Variants in STX2 observed in about 807,000 individuals in gnomAD.
STX2 encodes syntaxin 2.
Under a neutral mutation model 40.6 loss-of-function variants are expected in STX2, and 27 were observed. The ratio of observed to expected loss-of-function variants is 0.66; its 90% CI spans 0.49 to 0.92. STX2 has a LOEUF of 0.92. STX2 is among the 40% of genes least tolerant of loss of function. The probability of loss-of-function intolerance (pLI) is 0.00; values close to 1 mark genes in which losing one functional copy is unlikely to be tolerated. For synonymous variants in STX2, 123 were observed against 119.1 expected (o/e 1.03, Z -0.22); for missense variants, 328 against 366.1 (o/e 0.90, Z 0.85).
intron 3 of STX2, among the ~76,000 whole-genome samples, chr12:130,817,105 A>C (rs950000141): frequency 4.6e-5 from 7 of 152,112 alleles, no homozygotes; most frequent in Admixed American, 1.3e-4. Context: ...CAGGCAAACA[A>C]AGAAAAAAAA....
rs747877215 is a variant in STX2 at position 130,839,052 on chromosome 12, C to G, written c.30+18G>C. ...CGCCCCGGCCGGGCCTGAACCGCTA[C>G]CCGCGGCTGCCGCTCACCGCCGTCA... On this transcript the variant is annotated intron_variant, in intron 1 of 10. Transcript: ENST00000392373. 253 of 1,335,112 alleles carry G rather than the reference C, an allele frequency of 1.9e-4. 1 individual carries two copies. In the African/African-American group the frequency reaches 3.4e-3, roughly 18 times the overall value. The allele number at this position is 1,335,112 out of a possible 1,614,324, so 82.7% of individuals were successfully genotyped here.
chr12:130,838,984 C>T (rs1293867837), intron 1 of STX2, 86 bp downstream of exon 1: 8 of 1,082,404 alleles, frequency 7.4e-6, no homozygotes, highest in Non-Finnish European at 8.3e-6. Context: ...CCTCCCGGAG[C>T]CCCGCCCAAG....
chr12:130,799,813 C>CAA (rs57853266), intron 8 of STX2, among the ~76,000 whole-genome samples: 2 of 137,140 alleles, frequency 1.5e-5, no homozygotes, highest in Non-Finnish European at 1.6e-5. Flanking sequence ...GACCCTGTCT[C>CAA]AAAAAAAAAA....
chr12:130,807,640 C>A (rs914564093), intron 5 of STX2, among the ~76,000 whole-genome samples: 2 of 152,234 alleles, frequency 1.3e-5, no homozygotes, highest in African/African-American at 4.8e-5. Context: ...TTCCTCTGGG[C>A]AGTACCACAA....
chr12:130,831,519 T>C, intron 1 of STX2, among the ~76,000 whole-genome samples: 1 of 152,022 alleles, frequency 6.6e-6, no homozygotes, highest in East Asian at 1.9e-4. Flanking sequence ...AATACAAAAA[T>C]TAGCCAGGCG....
chr12:130,837,996 T>A (rs900778873), intron 1 of STX2, among the ~76,000 whole-genome samples: 8 of 152,212 alleles, frequency 5.3e-5, no homozygotes, highest in Non-Finnish European at 1.0e-4. Flanking sequence ...ATGATTTAAG[T>A]GGCTCTTTTC....
rs542366660 is a variant in STX2 at position 130,808,355 on chromosome 12, T to C, written c.354+276A>G. 3.9e-4 allele frequency among the ~76,000 whole-genome samples: 59 copies of C among 152,258 alleles called. No homozygotes were observed. In the South Asian group the frequency reaches 0.012, roughly 30 times the overall value. The stretch of plus-strand genomic sequence containing the variant: ...TTCCTCTCCTGCCCGCTCTTTCCCC[T>C]TTAAATACTGAAGTCCTCAAAACCC... On this transcript the variant is annotated intron_variant, in intron 5 of 10. Coordinates refer to ENST00000392373, the MANE Select transcript of STX2 (RefSeq NM_194356.4).
At chr12:130,796,417 C>T (rs895614801) in intron 9 of STX2, among the ~76,000 whole-genome samples, 9 of 152,106 alleles carry the variant, frequency 5.9e-5, no homozygotes, top group Admixed American at 2.0e-4. Context: ...ACCCAGGAGG[C>T]AGAGGTTGCA....
chr12:130,830,941 T>C (rs1952536261), intron 1 of STX2, among the ~76,000 whole-genome samples: 1 of 152,236 alleles, frequency 6.6e-6, no homozygotes. Context: ...GATAAACATT[T>C]AAATATCAAC....
intron 2 of STX2, among the ~76,000 whole-genome samples, chr12:130,826,776 G>A (rs934969027): frequency 1.3e-4 from 19 of 151,814 alleles, no homozygotes; most frequent in South Asian, 4.2e-4. Context: ...TGAGGCGGGC[G>A]GATTGCCTGA....
chr12:130,795,690 T>TGATCACGCCAC (rs933740766), intron 10 of STX2, among the ~76,000 whole-genome samples: 3 of 152,164 alleles, frequency 2.0e-5, no homozygotes, highest in African/African-American at 7.2e-5. Flanking sequence ...CAGTGAGCCA[T>TGATCACGCCAC]GATCACGCCA....
intron 3 of STX2, among the ~76,000 whole-genome samples, chr12:130,818,799 G>C (rs1951997560): frequency 6.6e-6 from 1 of 152,156 alleles, no homozygotes; most frequent in African/African-American, 2.4e-5. Flanking sequence ...CCGAACACAG[G>C]GTGCAAGCCA....
rs946981424 is a variant in STX2, at chr12:130,789,775, T to G, written c.*2248A>C. The G allele has an allele frequency of 6.6e-6, 1 of 152,610 alleles. No individual in the cohort carries two copies. Among genetic ancestry groups the G allele is most frequent in the Admixed American group, 6.5e-5 (1 of 15,274 alleles). The allele number at this position is 152,610 out of a possible 1,614,324, so 9.5% of individuals were successfully genotyped here. ...GTCTCAAGTGAATCTGTAAATACAT[T>G]TTTAAGTCTGACTTCAAATCGGTAC... On this transcript the variant is annotated 3_prime_UTR_variant, in exon 11 of 11. Transcript: ENST00000392373.
rs574508355 is a variant in STX2, at chr12:130,815,937, T to C, written c.206-2906A>G. Among the ~76,000 whole-genome samples the C allele has an allele frequency of 2.0e-5, 3 of 152,206 alleles. No homozygotes were observed. In the East Asian group the frequency reaches 5.8e-4, roughly 29 times the overall value. On this transcript the variant is annotated intron_variant, in intron 3 of 10. Coordinates refer to ENST00000392373, the MANE Select transcript of STX2 (RefSeq NM_194356.4). Reference sequence around the variant, plus strand: ...ATCATCTATGAACTTCATTTTAGAATAGTAAAGGGAACACAAAATGCCTTA... The same window carrying C: ...ATCATCTATGAACTTCATTTTAGAACAGTAAAGGGAACACAAAATGCCTTA...
At position 130,830,450 on chromosome 12, in the gene STX2, C is replaced by T. The variant is rs116786958; in HGVS notation, c.31-3183G>A. On this transcript the variant is annotated intron_variant, in intron 1 of 10. Coordinates refer to ENST00000392373, the MANE Select transcript of STX2 (RefSeq NM_194356.4). ...GGCGTGGCGTCAATCCTCCTCCACTCTGAACCCACGGCACGGGCGGATTTT... is the reference window on the plus strand; with the variant it reads ...GGCGTGGCGTCAATCCTCCTCCACTTTGAACCCACGGCACGGGCGGATTTT... 4.4e-3 allele frequency among the ~76,000 whole-genome samples: 675 copies of T among 152,322 alleles called. 8 individuals are homozygous for T. Among genetic ancestry groups the T allele is most frequent in the African/African-American group, 0.016 (648 of 41,562 alleles).
chr12:130,813,006 C>G lies in STX2; in HGVS notation c.231G>C (p.Leu77=). 2 of 1,538,584 alleles carry G rather than the reference C, an allele frequency of 1.3e-6. No homozygotes were observed. The highest frequency in any genetic ancestry group is 1.7e-6 in the Non-Finnish European group (2 of 1,151,052). ...EGKIKEELED[L]NKEIKKTANK... is the part of the protein sequence containing the mutation. ...TCGCAGTTTTCTTGATTTCTTTGTTCAGATCTTCAAGCTCTTCTTTTATTT... is the reference window on the plus strand; with the variant it reads ...TCGCAGTTTTCTTGATTTCTTTGTTGAGATCTTCAAGCTCTTCTTTTATTT... The change falls in exon 4 of 11, where the codon CTG becomes CTC. Residue 77 remains leucine (L), a synonymous_variant. Coordinates refer to ENST00000392373, the MANE Select transcript of STX2 (RefSeq NM_194356.4).
intron 10 of STX2, among the ~76,000 whole-genome samples, chr12:130,795,357 A>G (rs1950996443): frequency 6.6e-6 from 1 of 152,226 alleles, no homozygotes. Context: ...CTCAGGAGAC[A>G]AAACATTACA....
chr12:130,802,839 GGA>G (rs1491102999), intron 6 of STX2, among the ~76,000 whole-genome samples: 1 of 152,128 alleles, frequency 6.6e-6, no homozygotes, highest in Non-Finnish European at 1.5e-5. Context: ...CTGTGTTACA[GGA>G]AAGAAGTCAG....
chr12:130,826,409 G>A lies in STX2; in HGVS notation c.105+784C>T, dbSNP rs564961455. Among the ~76,000 whole-genome samples, 16 of 152,294 alleles carry A rather than the reference G, an allele frequency of 1.1e-4. No homozygotes were observed. In the South Asian group the frequency reaches 2.3e-3, roughly 22 times the overall value. ...AGGACCTCCAAAAGGCAGCCTGCAAGGAGGCGGTGCTCCTGCAGCAGCCAG... is the reference window on the plus strand; with the variant it reads ...AGGACCTCCAAAAGGCAGCCTGCAAAGAGGCGGTGCTCCTGCAGCAGCCAG... On this transcript the variant is annotated intron_variant, in intron 2 of 10. Coordinates refer to ENST00000392373, the MANE Select transcript of STX2 (RefSeq NM_194356.4).
Sources: gnomAD v4.1 joint callset for allele counts (sites outside exome capture counted in the v4.1 genomes callset) on GRCh38, gnomAD v4.1.1 for gene constraint, MANE v1.5 for transcripts, NCBI Gene and HGNC (gene_info 2026-07-23, HGNC 2026-07-21) for gene names.